Variants in EFCAB8 observed in about 807,000 individuals in gnomAD.
EFCAB8 encodes EF-hand calcium-binding domain-containing protein 8.
EFCAB8 carries 100 observed loss-of-function variants against 116.3 expected under a neutral mutation model. The ratio of observed to expected loss-of-function variants is 0.86; its 90% CI spans 0.73 to 1.02. EFCAB8 has a LOEUF of 1.02. Ranked by LOEUF, EFCAB8 falls within the 50% of genes least tolerant of loss-of-function variation. The probability of loss-of-function intolerance (pLI) is 0.00; values close to 1 mark genes in which losing one functional copy is unlikely to be tolerated. For synonymous variants in EFCAB8, 558 were observed against 567.9 expected (o/e 0.98, Z 0.25); for missense variants, 1,320 against 1,416.9 (o/e 0.93, Z 1.10).
chr20:32,867,755 C>T lies in EFCAB8; in HGVS notation c.208+8C>T, dbSNP rs376935070. ...ACATCAACTCGACTGGAGGTAAGGC[C>T]GCTCTGTAGGCTCGGTTTTTGTGTG... On this transcript the variant is annotated splice_region_variant and intron_variant, in intron 3 of 26. Transcript: ENST00000400522. 52 of 1,549,980 alleles carry T rather than the reference C, an allele frequency of 3.4e-5. No individual in the cohort carries two copies. The highest frequency in any genetic ancestry group is 1.4e-4 in the African/African-American group (10 of 72,988).
At position 32,867,372 on chromosome 20, in the gene EFCAB8, T is replaced by C. The variant is rs192094455; in HGVS notation, c.43-210T>C. 6.6e-5 allele frequency among the ~76,000 whole-genome samples: 10 copies of C among 152,358 alleles called. No individual in the cohort carries two copies. In the East Asian group the frequency reaches 1.9e-3, roughly 29 times the overall value. ...TGTGGCATCTGTAAAAAGGGAACAA[T>C]GGTTCCCTCTCCAAAGTCGGAAGAG... is the stretch of plus-strand genomic sequence containing the variant. On this transcript the variant is annotated intron_variant, in intron 2 of 26. Coordinates refer to ENST00000400522, the MANE Select transcript of EFCAB8 (RefSeq NM_001143967.2).
At chr20:32,890,021 C>G (rs962470182) in intron 7 of EFCAB8, among the ~76,000 whole-genome samples, 3 of 148,926 alleles carry the variant, frequency 2.0e-5, no homozygotes, top group African/African-American at 7.4e-5. Flanking sequence ...AAAAAAAAAG[C>G]CTCTCCTGCA....
chr20:32,890,080 C>T (rs1333023507), intron 7 of EFCAB8, among the ~76,000 whole-genome samples: 1 of 152,010 alleles, frequency 6.6e-6, no homozygotes. Context: ...ATTACAGTGC[C>T]CTCTGCAGAA....
At chr20:32,951,268 C>A (rs1988790140) in intron 23 of EFCAB8, among the ~76,000 whole-genome samples, 1 of 152,162 alleles carries the variant, frequency 6.6e-6, no homozygotes, top group African/African-American at 2.4e-5. Flanking sequence ...CAGCCTCAAA[C>A]TAGAAACGAT....
At chr20:32,903,468 T>C (rs1003956216) in intron 11 of EFCAB8, 1 of 152,236 alleles carries the variant, frequency 6.6e-6, no homozygotes, top group Non-Finnish European at 1.5e-5. Flanking sequence ...AAACCCCCTA[T>C]GGCAGAAGCC....
chr20:32,870,859 CT>C (rs35534837), intron 3 of EFCAB8, among the ~76,000 whole-genome samples: 185 of 146,056 alleles, frequency 1.3e-3, no homozygotes, highest in South Asian at 1.5e-3. Context: ...ACTTCTTCTT[CT>C]TTTTTTTTTT....
intron 1 of EFCAB8, among the ~76,000 whole-genome samples, chr20:32,863,260 C>T (rs1984210000): frequency 6.6e-6 from 1 of 152,178 alleles, no homozygotes; most frequent in Non-Finnish European, 1.5e-5. Context: ...GGAGGCCTTG[C>T]TGACCCAATA....
chr20:32,946,178 G>T (rs918374598), intron 23 of EFCAB8, among the ~76,000 whole-genome samples: 1 of 152,198 alleles, frequency 6.6e-6, no homozygotes, highest in Admixed American at 6.5e-5. Context: ...AGCCCAGTCT[G>T]GTGCCTCTTC....
chr20:32,901,596 C>T (rs1329354741), intron 11 of EFCAB8, among the ~76,000 whole-genome samples: 2 of 152,288 alleles, frequency 1.3e-5, no homozygotes, highest in East Asian at 3.8e-4. Context: ...GCCCACTCAG[C>T]TCCACTGGCC....
chr20:32,935,697 G>A (rs1988094013), intron 22 of EFCAB8, among the ~76,000 whole-genome samples: 1 of 151,700 alleles, frequency 6.6e-6, no homozygotes, highest in Admixed American at 6.6e-5. Context: ...GTAGAGATGG[G>A]GTTTCTCCAT....
At chr20:32,880,435 A>T (rs185467914) in intron 5 of EFCAB8, among the ~76,000 whole-genome samples, 3 of 151,946 alleles carry the variant, frequency 2.0e-5, no homozygotes, top group Admixed American at 2.0e-4. Flanking sequence ...TGCCTGACTA[A>T]TTTTTTTGTA....
Position 32,863,554 on chromosome 20 carries a change from CAG to C in EFCAB8, c.-10-228_-10-227del, listed in dbSNP as rs561979907. The stretch of plus-strand genomic sequence containing the variant: ...CTTCTGCAGGACAACTCCTCTCTAT[CAG>C]GGGAAGAAAGGCTCAAGTGCAAGCT... On this transcript the variant is annotated intron_variant, in intron 1 of 26. Transcript: ENST00000400522. Among the ~76,000 whole-genome samples, 50 of 152,290 alleles carry C rather than the reference CAG, an allele frequency of 3.3e-4. 1 individual carries two copies. In the South Asian group the frequency reaches 7.7e-3, roughly 23 times the overall value.
At chr20:32,940,558 GA>G (rs1027061252) in intron 22 of EFCAB8, among the ~76,000 whole-genome samples, 3 of 149,310 alleles carry the variant, frequency 2.0e-5, no homozygotes, top group African/African-American at 7.5e-5. Flanking sequence ...AGCTACAAAA[GA>G]AAAAAACAGA....
chr20:32,897,754 C>G (rs745996370), intron 10 of EFCAB8, among the ~76,000 whole-genome samples: 23 of 152,192 alleles, frequency 1.5e-4, no homozygotes, highest in Admixed American at 4.6e-4. Flanking sequence ...TTGGTTTTCC[C>G]TCCAGGTCTC....
At chr20:32,887,292 A>G (rs1479008032) in intron 6 of EFCAB8, among the ~76,000 whole-genome samples, 1 of 152,300 alleles carries the variant, frequency 6.6e-6, no homozygotes, top group African/African-American at 2.4e-5. Flanking sequence ...AGTAAAATAC[A>G]GCGCCAGGCG....
At chr20:32,930,728 A>T (rs1449590857) in intron 21 of EFCAB8, 112 bp downstream of exon 21, 3 of 1,063,392 alleles carry the variant, frequency 2.8e-6, no homozygotes, top group Non-Finnish European at 4.1e-6. Flanking sequence ...TACTGGTTCC[A>T]TTTGTGAAAC....
intron 20 of EFCAB8, among the ~76,000 whole-genome samples, chr20:32,929,503 T>G (rs1420951825): frequency 1.2e-5 from 1 of 80,578 alleles, no homozygotes; most frequent in Non-Finnish European, 2.7e-5. Context: ...TTCCCTTCTG[T>G]TTTTTTTTTT....
chr20:32,899,996 C>T (rs1986354611), intron 11 of EFCAB8, among the ~76,000 whole-genome samples: 1 of 152,138 alleles, frequency 6.6e-6, no homozygotes. Context: ...TCCTCCGGCC[C>T]CTAGTCTTTA....
At chr20:32,866,589 G>T (rs1419881918) in intron 2 of EFCAB8, among the ~76,000 whole-genome samples, 2 of 151,994 alleles carry the variant, frequency 1.3e-5, no homozygotes, top group Non-Finnish European at 2.9e-5. Context: ...CCAGTGGAGG[G>T]GTCTGTATGA....
Sources: gnomAD v4.1 joint callset for allele counts (sites outside exome capture counted in the v4.1 genomes callset) on GRCh38, gnomAD v4.1.1 for gene constraint, MANE v1.5 for transcripts, NCBI Gene and HGNC (gene_info 2026-07-23, HGNC 2026-07-21) for gene names.